The following SPOCK3 variants were observed in gnomAD, a reference collection of about 807,000 sequenced individuals.
The protein encoded by SPOCK3 is SPARC (osteonectin), cwcv and kazal like domains proteoglycan 3.
Under a neutral mutation model 56.6 loss-of-function variants are expected in SPOCK3, and 30 were observed. The ratio of observed to expected loss-of-function variants is 0.53; its 90% CI spans 0.40 to 0.72. The LOEUF (loss-of-function observed/expected upper bound fraction) is 0.72, where lower values mean the gene tolerates loss of function less well. Among genes scored for constraint, SPOCK3 ranks in the 30% least tolerant of loss-of-function variants. The pLI, the probability that SPOCK3 is intolerant of heterozygous loss-of-function variation, is 0.00. For missense variants in SPOCK3, 527 were observed against 530.0 expected (o/e 0.99, Z 0.06); for synonymous variants, 196 against 183.3 (o/e 1.07, Z -0.56).
At chr4:167,231,379 T>C (rs1423091844) in intron 2 of SPOCK3, among the ~76,000 whole-genome samples, 1 of 152,034 alleles carries the variant, frequency 6.6e-6, no homozygotes, top group East Asian at 1.9e-4. Context: ...AAGGCTTTTG[T>C]ATAAATAAAA....
chr4:166,786,770 A>T (rs1740773555), intron 7 of SPOCK3, among the ~76,000 whole-genome samples: 1 of 152,214 alleles, frequency 6.6e-6, no homozygotes, highest in Admixed American at 6.5e-5. Context: ...AATGTTTGGC[A>T]AAGCATTGGC....
chr4:166,788,839 T>A (rs7670065), intron 7 of SPOCK3, among the ~76,000 whole-genome samples: 1 of 151,638 alleles, frequency 6.6e-6, no homozygotes, highest in Admixed American at 6.6e-5. Context: ...AATGTAAAAA[T>A]TATAAAAGAT....
At chr4:166,824,153 T>A (rs1745214731) in intron 6 of SPOCK3, among the ~76,000 whole-genome samples, 1 of 152,082 alleles carries the variant, frequency 6.6e-6, no homozygotes, top group Admixed American at 6.6e-5. Context: ...TGTCTCATGC[T>A]GTGATGGATT....
intron 6 of SPOCK3, among the ~76,000 whole-genome samples, chr4:166,878,765 G>A (rs1035928968): frequency 6.6e-6 from 1 of 152,054 alleles, no homozygotes; most frequent in Admixed American, 6.6e-5. Context: ...TAATTAGGAG[G>A]CAGCAATCAT....
intron 2 of SPOCK3, among the ~76,000 whole-genome samples, chr4:167,109,294 A>C (rs1255301834): frequency 1.3e-4 from 12 of 89,626 alleles, no homozygotes; most frequent in Non-Finnish European, 2.3e-4. Flanking sequence ...TAATTATTAT[A>C]AATAATAATT....
intron 3 of SPOCK3, among the ~76,000 whole-genome samples, chr4:167,056,555 G>A (rs62352388): frequency 0.2 from 31,072 of 151,988 alleles, 4,247 homozygotes; most frequent in African/African-American, 0.38. Flanking sequence ...TTAGATGAAT[G>A]TATAACTAGA....
intron 3 of SPOCK3, among the ~76,000 whole-genome samples, chr4:167,032,214 CAAAG>C (rs1260251304): frequency 6.6e-6 from 1 of 151,826 alleles, no homozygotes; most frequent in Non-Finnish European, 1.5e-5. Flanking sequence ...GAAGCAAAGA[CAAAG>C]AAAGTTTTCC....
At chr4:167,228,273 A>G (rs1335680975) in intron 2 of SPOCK3, among the ~76,000 whole-genome samples, 1 of 152,192 alleles carries the variant, frequency 6.6e-6, no homozygotes, top group African/African-American at 2.4e-5. Context: ...GAATCTACGC[A>G]CATAAATACA....
At chr4:166,770,746 G>A (rs531955960) in intron 7 of SPOCK3, among the ~76,000 whole-genome samples, 4 of 152,176 alleles carry the variant, frequency 2.6e-5, no homozygotes, top group Non-Finnish European at 4.4e-5. Flanking sequence ...AGACAAAAAT[G>A]TCAAACTCAA....
At chr4:166,909,936 G>A (rs916058287) in intron 5 of SPOCK3, among the ~76,000 whole-genome samples, 3 of 151,992 alleles carry the variant, frequency 2.0e-5, no homozygotes, top group Non-Finnish European at 2.9e-5. Context: ...TGGCCTTTGT[G>A]GTCTTTGTTT....
At chr4:166,820,832 ATAAT>A (rs912098188) in intron 6 of SPOCK3, among the ~76,000 whole-genome samples, 1 of 152,034 alleles carries the variant, frequency 6.6e-6, no homozygotes, top group Non-Finnish European at 1.5e-5. Flanking sequence ...TTTTAAAAAA[ATAAT>A]TAAAACTATA....
rs117582664 is a variant in SPOCK3 at position 167,023,680 on chromosome 4, C to T, written c.236-23217G>A. ...AAGAGCACTGGTGGTTTGTAATGCTCCAGGCATGGTTCTGTAAAGATATGA... is the reference window on the plus strand; with the variant it reads ...AAGAGCACTGGTGGTTTGTAATGCTTCAGGCATGGTTCTGTAAAGATATGA... On this transcript the variant is annotated intron_variant, in intron 3 of 10. Transcript: ENST00000357545. Among the ~76,000 whole-genome samples, 211 of 151,988 alleles carry T rather than the reference C, an allele frequency of 1.4e-3. 3 individuals are homozygous for T. In the East Asian group the frequency reaches 0.034, roughly 25 times the overall value.
intron 4 of SPOCK3, among the ~76,000 whole-genome samples, chr4:166,997,303 TC>T (rs1209244545): frequency 4.6e-5 from 7 of 152,004 alleles, no homozygotes; most frequent in Non-Finnish European, 8.8e-5. Context: ...TGCACATGTA[TC>T]CCGGAACTTA....
At chr4:167,030,891 T>A (rs747189851) in intron 3 of SPOCK3, among the ~76,000 whole-genome samples, 1 of 152,066 alleles carries the variant, frequency 6.6e-6, no homozygotes, top group Non-Finnish European at 1.5e-5. Flanking sequence ...CTCTTTATGA[T>A]GTCAGACTGA....
At chr4:167,020,052 T>C (rs1270189390) in intron 3 of SPOCK3, among the ~76,000 whole-genome samples, 1 of 152,086 alleles carries the variant, frequency 6.6e-6, no homozygotes, top group Non-Finnish European at 1.5e-5. Flanking sequence ...GAAACTTTAA[T>C]TGAAATGAGA....
intron 2 of SPOCK3, among the ~76,000 whole-genome samples, chr4:167,073,485 G>A (rs1561188729): frequency 6.6e-6 from 1 of 151,704 alleles, no homozygotes; most frequent in Non-Finnish European, 1.5e-5. Flanking sequence ...ATGTATTTCT[G>A]TGCTTTTTTT....
intron 2 of SPOCK3, among the ~76,000 whole-genome samples, chr4:167,124,430 T>TTTTC (rs1302092749): frequency 2.6e-5 from 4 of 152,126 alleles, no homozygotes; most frequent in African/African-American, 9.7e-5. Flanking sequence ...CAGCATCAGG[T>TTTTC]TTTCATGCAG....
intron 4 of SPOCK3, among the ~76,000 whole-genome samples, chr4:166,968,393 G>A (rs535398109): frequency 6.6e-6 from 1 of 152,294 alleles, no homozygotes; most frequent in Admixed American, 6.5e-5. Context: ...TCACAGGCCT[G>A]GAGGCCTAGG....
At chr4:167,168,054 G>A (rs1211577628) in intron 2 of SPOCK3, among the ~76,000 whole-genome samples, 2 of 152,112 alleles carry the variant, frequency 1.3e-5, no homozygotes, top group Non-Finnish European at 1.5e-5. Flanking sequence ...CATGTAAGAT[G>A]TGACTTTGCT....
Sources: allele counts gnomAD v4.1 joint callset (sites outside exome capture counted in the v4.1 genomes callset), GRCh38; gene constraint gnomAD v4.1.1; transcripts MANE v1.5; gene names NCBI Gene and HGNC (gene_info 2026-07-23, HGNC 2026-07-21).